SGMS1: variants seen among roughly 807,000 people sequenced by gnomAD.
The protein encoded by SGMS1 is sphingomyelin synthase 1.
SGMS1 carries 13 observed loss-of-function variants against 46.2 expected under a neutral mutation model. The observed-to-expected ratio is 0.28, with a 90% CI of 0.18 to 0.45. The LOEUF (loss-of-function observed/expected upper bound fraction) is 0.45, where lower values mean the gene tolerates loss of function less well. SGMS1 is among the 20% of genes least tolerant of loss of function. The pLI is 1.00. For missense variants in SGMS1, 324 were observed against 519.9 expected, an observed-to-expected ratio of 0.62 and a Z score of 3.66; for synonymous variants, 203 against 187.8, an observed-to-expected ratio of 1.08 and a Z score of -0.66.
chr10:50,344,517 G>A (rs183477196), intron 6 of SGMS1, among the ~76,000 whole-genome samples, 172 bp from the exon 7 acceptor site: 7 of 152,176 alleles, frequency 4.6e-5, no homozygotes, highest in Admixed American at 3.3e-4. Flanking sequence ...AGTCTTTTGC[G>A]ACACACATTG....
At chr10:50,567,363 G>A (rs181005305) in intron 2 of SGMS1, among the ~76,000 whole-genome samples, 40 of 152,298 alleles carry the variant, frequency 2.6e-4, no homozygotes, top group Non-Finnish European at 2.1e-4. Flanking sequence ...AGGGCTGACC[G>A]TATATTCTAG....
At chr10:50,323,224 C>G (rs1847477814) in intron 8 of SGMS1, among the ~76,000 whole-genome samples, 1 of 152,188 alleles carries the variant, frequency 6.6e-6, no homozygotes, top group Admixed American at 6.5e-5. Flanking sequence ...CTACTGTATA[C>G]TTGTTGAAAC....
intron 1 of SGMS1, among the ~76,000 whole-genome samples, chr10:50,605,040 C>T (rs1838682563): frequency 6.6e-6 from 1 of 152,204 alleles, no homozygotes; most frequent in Non-Finnish European, 1.5e-5. Context: ...CAAAACATTT[C>T]ACTTCTGTTA....
chr10:50,500,345 G>T (rs1483650748), intron 3 of SGMS1, among the ~76,000 whole-genome samples: 1 of 152,084 alleles, frequency 6.6e-6, no homozygotes, highest in African/African-American at 2.4e-5. Flanking sequence ...TCTGTTTATA[G>T]AAATTTACTA....
intron 6 of SGMS1, among the ~76,000 whole-genome samples, chr10:50,376,530 C>T (rs1848524411): frequency 6.6e-6 from 1 of 152,044 alleles, no homozygotes; most frequent in Admixed American, 6.6e-5. Flanking sequence ...TGTGCTGCAC[C>T]CATTAACTCA....
At chr10:50,415,272 C>T (rs1263908028) in intron 6 of SGMS1, among the ~76,000 whole-genome samples, 1 of 152,072 alleles carries the variant, frequency 6.6e-6, no homozygotes, top group Admixed American at 6.5e-5. Context: ...TACTGATCAT[C>T]ACTTTTATTT....
At chr10:50,390,955 T>C (rs1347036344) in intron 6 of SGMS1, among the ~76,000 whole-genome samples, 1 of 152,080 alleles carries the variant, frequency 6.6e-6, no homozygotes, top group African/African-American at 2.4e-5. Context: ...ACCAAAGTCA[T>C]AGCGGAGAGA....
upstream of SGMS1, chr10:50,624,942 C>T (rs952922642): frequency 2.9e-5 from 30 of 1,018,212 alleles, no homozygotes; most frequent in African/African-American, 1.0e-4. Flanking sequence ...CGCGGCGCTC[C>T]GGGCAGCCAT....
upstream of SGMS1, chr10:50,625,180 A>T: frequency 1.9e-6 from 1 of 533,040 alleles, no homozygotes; most frequent in Non-Finnish European, 2.4e-6. Context: ...AAATCGAGAC[A>T]ACAGAACTCA....
chr10:50,458,232 C>G (rs1481918815), intron 5 of SGMS1, among the ~76,000 whole-genome samples: 2 of 150,472 alleles, frequency 1.3e-5, no homozygotes, highest in Non-Finnish European at 3.0e-5. Context: ...TGTTTATGAT[C>G]TAAATGTCAT....
chr10:50,346,552 G>C (rs1019665650), intron 6 of SGMS1, among the ~76,000 whole-genome samples: 1 of 151,960 alleles, frequency 6.6e-6, no homozygotes, highest in African/African-American at 2.4e-5. Flanking sequence ...ATCTCTCCTG[G>C]GGATAGCAGT....
intron 1 of SGMS1, among the ~76,000 whole-genome samples, chr10:50,593,106 C>A (rs1838558171): frequency 6.6e-6 from 1 of 152,194 alleles, no homozygotes; most frequent in Non-Finnish European, 1.5e-5. Context: ...TGAGGACACG[C>A]TCAAGAAGCT....
At chr10:50,335,135 T>C (rs1415587303) in intron 7 of SGMS1, 1 of 152,242 alleles carries the variant, frequency 6.6e-6, no homozygotes, top group Admixed American at 6.5e-5. Context: ...GGTAATAACC[T>C]AGGTAAAAGA....
chr10:50,623,460 C>T, intron 1 of SGMS1: 1 of 508,782 alleles, frequency 2.0e-6, no homozygotes, highest in Non-Finnish European at 2.5e-6. Flanking sequence ...GCCCCGCCGG[C>T]GGCCCGCCCC....
intron 6 of SGMS1, among the ~76,000 whole-genome samples, chr10:50,365,866 T>C (rs565364746): frequency 6.9e-4 from 105 of 152,356 alleles, no homozygotes; most frequent in African/African-American, 2.4e-3. Flanking sequence ...ATGTCTTTGC[T>C]ATTGTAAATG....
intron 2 of SGMS1, among the ~76,000 whole-genome samples, chr10:50,553,954 G>GA (rs1246378138): frequency 9.2e-5 from 14 of 152,180 alleles, no homozygotes; most frequent in African/African-American, 3.4e-4. Flanking sequence ...CCTGAAAACA[G>GA]AAGGGACACA....
chr10:50,432,134 G>A (rs971510497), intron 6 of SGMS1, among the ~76,000 whole-genome samples: 6 of 152,116 alleles, frequency 3.9e-5, no homozygotes, highest in Non-Finnish European at 8.8e-5. Context: ...CTTCACAACA[G>A]GAAACCTACA....
intron 9 of SGMS1, among the ~76,000 whole-genome samples, chr10:50,309,631 T>C (rs1847226324): frequency 6.6e-6 from 1 of 152,208 alleles, no homozygotes; most frequent in African/African-American, 2.4e-5. Flanking sequence ...AAGGCTAGAT[T>C]ATGCCCTGAC....
chr10:50,330,664 A>G (rs1847609415), intron 7 of SGMS1, among the ~76,000 whole-genome samples: 1 of 152,220 alleles, frequency 6.6e-6, no homozygotes, highest in Non-Finnish European at 1.5e-5. Flanking sequence ...GGAAGCTATT[A>G]GCTTTTAGAG....
Sources: allele counts gnomAD v4.1 joint callset (sites outside exome capture counted in the v4.1 genomes callset), GRCh38; gene constraint gnomAD v4.1.1; transcripts MANE v1.5; gene names NCBI Gene and HGNC (gene_info 2026-07-23, HGNC 2026-07-21).